Variants in RGS17 observed in about 807,000 individuals in gnomAD.
The protein encoded by RGS17 is regulator of G protein signaling 17, also known as regulator of G-protein signaling 17.
RGS17 carries 12 observed loss-of-function variants against 25.5 expected under a neutral mutation model. That is an observed-to-expected ratio of 0.47 (90% CI 0.30 to 0.76). The LOEUF (loss-of-function observed/expected upper bound fraction) is 0.76, where lower values mean the gene tolerates loss of function less well. Ranked by LOEUF, RGS17 falls within the 30% of genes least tolerant of loss-of-function variation. The pLI, the probability that RGS17 is intolerant of heterozygous loss-of-function variation, is 0.07. For synonymous variants in RGS17, 71 were observed against 76.9 expected (o/e 0.92, Z 0.40); for missense variants, 196 against 242.2 (o/e 0.81, Z 1.27).
At chr6:153,047,008 G>T (rs1195442364) in intron 1 of RGS17, among the ~76,000 whole-genome samples, 1 of 152,210 alleles carries the variant, frequency 6.6e-6, no homozygotes, top group African/African-American at 2.4e-5. Context: ...CACAAGTAAT[G>T]CTTTGATTGA....
At chr6:153,068,016 G>C (rs1776733733) in intron 1 of RGS17, among the ~76,000 whole-genome samples, 1 of 152,086 alleles carries the variant, frequency 6.6e-6, no homozygotes, top group South Asian at 2.1e-4. Flanking sequence ...CACCTACAAT[G>C]AACTCATTTT....
At chr6:153,119,068 C>T (rs181896320) in intron 1 of RGS17, among the ~76,000 whole-genome samples, 31 of 152,280 alleles carry the variant, frequency 2.0e-4, no homozygotes, top group Middle Eastern at 3.4e-3. Context: ...CATGCCCATT[C>T]ATGCAGATAT....
At chr6:153,049,643 T>C (rs1168041271) in intron 1 of RGS17, among the ~76,000 whole-genome samples, 5 of 152,014 alleles carry the variant, frequency 3.3e-5, no homozygotes, top group East Asian at 3.9e-4. Flanking sequence ...CCCAACTACT[T>C]GGGAGGCTGA....
chr6:153,040,502 TTTC>T (rs1776308352), intron 2 of RGS17, among the ~76,000 whole-genome samples: 2 of 152,192 alleles, frequency 1.3e-5, no homozygotes, highest in African/African-American at 4.8e-5. Context: ...AGAAATTTAT[TTTC>T]TTACCACTCT....
chr6:153,113,639 A>G (rs1777505622), intron 1 of RGS17, among the ~76,000 whole-genome samples: 1 of 152,184 alleles, frequency 6.6e-6, no homozygotes, highest in Non-Finnish European at 1.5e-5. Flanking sequence ...TCTTCTTAGC[A>G]CCACATTGCA....
intron 1 of RGS17, among the ~76,000 whole-genome samples, chr6:153,056,253 A>T (rs1776554826): frequency 1.3e-5 from 2 of 152,176 alleles, no homozygotes; most frequent in African/African-American, 4.8e-5. Flanking sequence ...GTTAACAAAA[A>T]CTCATGAGCG....
intron 1 of RGS17, among the ~76,000 whole-genome samples, chr6:153,119,322 C>T (rs1777588891): frequency 6.6e-6 from 1 of 152,184 alleles, no homozygotes; most frequent in African/African-American, 2.4e-5. Flanking sequence ...TATTTGTCCA[C>T]CCTACATTTT....
intron 1 of RGS17, among the ~76,000 whole-genome samples, chr6:153,078,160 C>T (rs759550795): frequency 2.0e-5 from 3 of 152,180 alleles, no homozygotes; most frequent in Non-Finnish European, 4.4e-5. Flanking sequence ...TGAGCCACTG[C>T]GCCCAGCTGA....
intron 1 of RGS17, among the ~76,000 whole-genome samples, chr6:153,113,356 G>T (rs1422508677): frequency 2.6e-5 from 4 of 152,138 alleles, no homozygotes; most frequent in African/African-American, 9.7e-5. Context: ...AATGGTAAAG[G>T]GATCAATGCC....
chr6:153,021,089 T>A lies in RGS17; in HGVS notation c.444+3173A>T, dbSNP rs537993317. On this transcript the variant is annotated intron_variant, in intron 4 of 4. Coordinates refer to ENST00000206262, the MANE Select transcript of RGS17 (RefSeq NM_012419.5). Reference sequence around the variant, plus strand: ...TAGCCTTACAGTTGCCATTATGCATTTGGTTTATTAGTTTCTGTGCTTATT... The same window carrying A: ...TAGCCTTACAGTTGCCATTATGCATATGGTTTATTAGTTTCTGTGCTTATT... 4.4e-4 allele frequency among the ~76,000 whole-genome samples: 67 copies of A among 152,290 alleles called. 1 individual carries two copies. Among genetic ancestry groups the A allele is most frequent in the African/African-American group, 1.5e-3 (63 of 41,562 alleles).
chr6:153,013,593 C>G (rs1023293520), intron 4 of RGS17, among the ~76,000 whole-genome samples: 1 of 152,230 alleles, frequency 6.6e-6, no homozygotes, highest in Non-Finnish European at 1.5e-5. Flanking sequence ...AAAGCTGGGC[C>G]TCTTTTGAAA....
At chr6:153,056,838 C>CTGTGTGTGTG (rs59058708) in intron 1 of RGS17, among the ~76,000 whole-genome samples, 22 of 144,384 alleles carry the variant, frequency 1.5e-4, no homozygotes, top group African/African-American at 5.7e-4. Context: ...AGAGGAAGGG[C>CTGTGTGTGTG]TGTGTGTGTG....
At chr6:153,036,423 T>C (rs1776240583) in intron 2 of RGS17, among the ~76,000 whole-genome samples, 2 of 152,140 alleles carry the variant, frequency 1.3e-5, no homozygotes, top group African/African-American at 4.8e-5. Context: ...CTCTCACTCC[T>C]CCATTGTTCT....
Position 153,009,577 on chromosome 6 carries a change from A to T in RGS17, c.*1997T>A, listed in dbSNP as rs1779111067. 6.6e-6 allele frequency: 1 copy of T among 152,020 alleles called. No homozygotes were observed. The highest frequency in any genetic ancestry group is 1.5e-5 in the Non-Finnish European group (1 of 67,878). The allele number at this position is 152,020 out of a possible 1,614,324, so 9.4% of individuals were successfully genotyped here. A position where few individuals can be genotyped will look rare whatever the true frequency, so the allele number is the denominator to read the frequency against. On this transcript the variant is annotated 3_prime_UTR_variant, in exon 5 of 5. Transcript: ENST00000206262. ...CTGAAAACTTATTCAAATAGTATTT[A>T]AATGACATGAATAAAATATGTCTTA...
chr6:153,037,062 C>G (rs1776253961), intron 2 of RGS17, among the ~76,000 whole-genome samples: 1 of 152,064 alleles, frequency 6.6e-6, no homozygotes, highest in African/African-American at 2.4e-5. Flanking sequence ...TCTCCCTAGT[C>G]TTCTATTTTG....
intron 1 of RGS17, among the ~76,000 whole-genome samples, chr6:153,066,656 T>A (rs1282764572): frequency 6.6e-6 from 1 of 152,172 alleles, no homozygotes; most frequent in Non-Finnish European, 1.5e-5. Context: ...CATGACCCAG[T>A]AGGATTTATC....
chr6:153,089,148 CA>C (rs1483538487), intron 1 of RGS17, among the ~76,000 whole-genome samples: 1 of 151,536 alleles, frequency 6.6e-6, no homozygotes, highest in Non-Finnish European at 1.5e-5. Context: ...CACAATGGTA[CA>C]CTTTTTTTTT....
chr6:153,111,241 C>G (rs761923501), intron 1 of RGS17, among the ~76,000 whole-genome samples: 1 of 152,140 alleles, frequency 6.6e-6, no homozygotes, highest in East Asian at 1.9e-4. Context: ...CTGGGATGCT[C>G]GAGCTTAGTC....
intron 1 of RGS17, among the ~76,000 whole-genome samples, chr6:153,081,973 T>C (rs748425348): frequency 6.6e-6 from 1 of 152,194 alleles, no homozygotes; most frequent in Non-Finnish European, 1.5e-5. Context: ...AAAGCTTTTA[T>C]TTAGGCTTCA....
Sources: allele counts gnomAD v4.1 joint callset (sites outside exome capture counted in the v4.1 genomes callset), GRCh38; gene constraint gnomAD v4.1.1; transcripts MANE v1.5; gene names NCBI Gene and HGNC (gene_info 2026-07-23, HGNC 2026-07-21).